The following RHOU variants were observed in gnomAD, a reference collection of about 807,000 sequenced individuals.
RHOU encodes rho-related GTP-binding protein RhoU.
RHOU carries 8 observed loss-of-function variants against 12.6 expected under a neutral mutation model. That is an observed-to-expected ratio of 0.64 (90% confidence interval 0.37 to 1.15). RHOU has a LOEUF of 1.15. Ranked by LOEUF, RHOU falls within the 50% of genes most tolerant of loss-of-function variation. The pLI is 0.01. For synonymous variants in RHOU, 161 were observed against 147.4 expected (o/e 1.09, Z -0.67); for missense variants, 258 against 347.0 (o/e 0.74, Z 2.04).
the RHOU span, among the ~76,000 whole-genome samples, chr1:228,707,206 C>CATATGT: frequency 4.7e-5 from 2 of 42,978 alleles, no homozygotes; most frequent in African/African-American, 3.1e-4. Flanking sequence ...CATATATATA[C>CATATGT]ATATATATAT....
the RHOU span, among the ~76,000 whole-genome samples, chr1:228,672,886 T>TC: frequency 5.9e-5 from 9 of 152,278 alleles, no homozygotes; most frequent in Non-Finnish European, 1.0e-4. Flanking sequence ...TGGCTGGGTT[T>TC]CAGGCAGATT....
the RHOU span, among the ~76,000 whole-genome samples, chr1:228,659,292 C>T: frequency 1.3e-5 from 2 of 151,914 alleles, no homozygotes; most frequent in African/African-American, 4.8e-5. Context: ...GCAGAAGAAT[C>T]ACTTAAACCC....
chr1:228,688,501 T>C, the RHOU span, among the ~76,000 whole-genome samples: 1 of 152,156 alleles, frequency 6.6e-6, no homozygotes, highest in Non-Finnish European at 1.5e-5. Flanking sequence ...TCGTGCTCTA[T>C]TATTTAACCC....
chr1:228,711,834 C>T, the RHOU span, among the ~76,000 whole-genome samples: 3 of 146,634 alleles, frequency 2.0e-5, no homozygotes, highest in Non-Finnish European at 4.5e-5. Context: ...TAAAGAGCTT[C>T]TGCACAGCAA....
At chr1:228,716,319 T>C in the RHOU span, among the ~76,000 whole-genome samples, 5 of 152,156 alleles carry the variant, frequency 3.3e-5, no homozygotes, top group Admixed American at 1.3e-4. Context: ...CCCACTGGGG[T>C]CCACTGTGGC....
At chr1:228,680,874 C>T in the RHOU span, among the ~76,000 whole-genome samples, 5 of 152,268 alleles carry the variant, frequency 3.3e-5, no homozygotes, top group South Asian at 2.1e-4. Context: ...CATGTAATTT[C>T]GCCTAGCTAT....
chr1:228,714,553 T>G, the RHOU span, among the ~76,000 whole-genome samples: 6 of 152,252 alleles, frequency 3.9e-5, no homozygotes, highest in South Asian at 1.2e-3. Flanking sequence ...CTAACTGTAT[T>G]TCCTCAGGAC....
chr1:228,681,973 T>G, the RHOU span, among the ~76,000 whole-genome samples: 1 of 152,154 alleles, frequency 6.6e-6, no homozygotes, highest in East Asian at 1.9e-4. Context: ...GGCATCCCCG[T>G]GGTGATCAGA....
the RHOU span, among the ~76,000 whole-genome samples, chr1:228,705,801 C>T: frequency 3.3e-5 from 5 of 152,180 alleles, no homozygotes; most frequent in South Asian, 2.1e-4. Flanking sequence ...CCCAGCACTT[C>T]GGGAGGCCGA....
the RHOU span, among the ~76,000 whole-genome samples, chr1:228,670,022 G>A: frequency 4.6e-5 from 7 of 152,186 alleles, no homozygotes; most frequent in African/African-American, 1.7e-4. Flanking sequence ...AGCCCTTATG[G>A]TGGGCCTGGC....
chr1:228,673,982 T>A, the RHOU span, among the ~76,000 whole-genome samples: 1 of 152,222 alleles, frequency 6.6e-6, no homozygotes, highest in Non-Finnish European at 1.5e-5. Flanking sequence ...CAAAAGTGAT[T>A]GTACCAATTT....
At chr1:228,653,375 A>C in the RHOU span, among the ~76,000 whole-genome samples, 1 of 152,094 alleles carries the variant, frequency 6.6e-6, no homozygotes, top group Admixed American at 6.5e-5. Flanking sequence ...GCTGGAGTGC[A>C]GTGGTGCCAT....
At chr1:228,716,801 C>T in the RHOU span, among the ~76,000 whole-genome samples, 1 of 151,478 alleles carries the variant, frequency 6.6e-6, no homozygotes, top group Non-Finnish European at 1.5e-5. Context: ...GTCACAATCA[C>T]GCATCAAAAA....
the RHOU span, among the ~76,000 whole-genome samples, chr1:228,719,753 G>A: frequency 6.6e-6 from 1 of 151,754 alleles, no homozygotes; most frequent in East Asian, 1.9e-4. Flanking sequence ...AAACATACAA[G>A]CAAACAACAA....
At chr1:228,714,138 G>T in the RHOU span, among the ~76,000 whole-genome samples, 1 of 152,084 alleles carries the variant, frequency 6.6e-6, no homozygotes, top group Non-Finnish European at 1.5e-5. Flanking sequence ...TTCCTAATTT[G>T]CTGGGTTTTC....
At chr1:228,673,260 T>C in the RHOU span, among the ~76,000 whole-genome samples, 2 of 152,202 alleles carry the variant, frequency 1.3e-5, no homozygotes, top group Non-Finnish European at 2.9e-5. Context: ...TAGTTTTGCT[T>C]GTTCTTGATC....
the RHOU span, among the ~76,000 whole-genome samples, chr1:228,709,534 C>T: frequency 6.7e-6 from 1 of 149,564 alleles, no homozygotes; most frequent in Non-Finnish European, 1.5e-5. Flanking sequence ...TACATGGAAA[C>T]TGAACAACCT....
the RHOU span, among the ~76,000 whole-genome samples, chr1:228,707,130 A>ATATGTATG: frequency 1.8e-5 from 2 of 110,192 alleles, no homozygotes; most frequent in Non-Finnish European, 3.5e-5. Context: ...ATATATACAT[A>ATATGTATG]TATATATATA....
At chr1:228,730,568 C>T (rs1023253899), upstream of RHOU, among the ~76,000 whole-genome samples, 7 of 152,160 alleles carry the variant, frequency 4.6e-5, no homozygotes, top group African/African-American at 1.4e-4. Flanking sequence ...CAACTTTAGC[C>T]GAGAACCATA....
Sources: gnomAD v4.1 joint callset for allele counts (sites outside exome capture counted in the v4.1 genomes callset) on GRCh38, gnomAD v4.1.1 for gene constraint, MANE v1.5 for transcripts, NCBI Gene and HGNC (gene_info 2026-07-23, HGNC 2026-07-21) for gene names.